The following CCDC93 variants were observed in gnomAD, a reference collection of about 807,000 sequenced individuals.
CCDC93 encodes the protein coiled-coil domain-containing protein 93.
A neutral mutation model predicts 108.2 loss-of-function variants in CCDC93; 61 were observed. The ratio of observed to expected loss-of-function variants is 0.56; its 90% confidence interval spans 0.46 to 0.70. The LOEUF (loss-of-function observed/expected upper bound fraction) is 0.70, where lower values mean the gene tolerates loss of function less well. Ranked by LOEUF, CCDC93 falls within the 30% of genes least tolerant of loss-of-function variation. The pLI is 0.00. For synonymous variants in CCDC93, 276 were observed against 260.4 expected (o/e 1.06, Z -0.58); for missense variants, 685 against 764.2 (o/e 0.90, Z 1.22).
Position 118,014,063 on chromosome 2 carries a change from G to C in CCDC93, c.-68C>G. On this transcript the variant is annotated 5_prime_UTR_variant, in exon 1 of 24. Coordinates refer to ENST00000376300, the MANE Select transcript of CCDC93 (RefSeq NM_019044.5). ...GCGTCCGGAGGAAGCTGTCCCTGCC[G>C]CGGAGCTGCTACCGGGGTGGAGTAC... The C allele has an allele frequency of 3.8e-6, 6 of 1,562,310 alleles. No homozygotes were observed. Among genetic ancestry groups the C allele is most frequent in the Non-Finnish European group, 5.2e-6 (6 of 1,153,914 alleles).
intron 21 of CCDC93, 135 bp downstream of exon 21, chr2:117,936,567 A>T: frequency 1.3e-6 from 1 of 765,206 alleles, no homozygotes; most frequent in Non-Finnish European, 2.4e-6. Context: ...GAAGGGCTAA[A>T]AGAGTAAGAA....
At position 117,915,835 on chromosome 2, in the gene CCDC93, G is replaced by A. The variant is rs555065723; in HGVS notation, c.*4508C>T. 3 of 151,896 alleles carry A rather than the reference G, an allele frequency of 2.0e-5. No individual in the cohort carries two copies. In the South Asian group the frequency reaches 6.2e-4, roughly 32 times the overall value. 9.4% of individuals were successfully genotyped at this position (151,896 alleles called of 1,614,324 possible). A position where few individuals can be genotyped will look rare whatever the true frequency, so the allele number is the denominator to read the frequency against. ...CATTCCAAACATTAGGATACCATGG[G>A]CTTTTTTCCTCACTTAATCATGCAT... On this transcript the variant is annotated 3_prime_UTR_variant, in exon 24 of 24. Transcript: ENST00000376300.
intron 10 of CCDC93, among the ~76,000 whole-genome samples, chr2:117,974,395 T>C (rs546531088): frequency 2.0e-4 from 31 of 152,230 alleles, no homozygotes; most frequent in African/African-American, 7.5e-4. Flanking sequence ...AAAATATCTC[T>C]TTACTACCAC....
intron 11 of CCDC93, among the ~76,000 whole-genome samples, chr2:117,960,722 C>T (rs538435725): frequency 2.0e-5 from 3 of 152,220 alleles, no homozygotes; most frequent in Non-Finnish European, 2.9e-5. Flanking sequence ...CCACATGCTC[C>T]CTCAAAACCC....
At chr2:117,934,182 A>G (rs1448153571) in intron 22 of CCDC93, 1 of 152,172 alleles carries the variant, frequency 6.6e-6, no homozygotes, top group Non-Finnish European at 1.5e-5. Flanking sequence ...CTCTGTAAAC[A>G]CGAAGCAGAA....
At chr2:117,996,417 G>A in intron 4 of CCDC93, 55 bp from the exon 5 acceptor site, 1 of 1,249,218 alleles carries the variant, frequency 8.0e-7, no homozygotes, top group Non-Finnish European at 1.2e-6. Flanking sequence ...CCACTGAAGT[G>A]AAGGCCAGTT....
intron 11 of CCDC93, 144 bp from the exon 12 acceptor site, chr2:117,958,625 C>T: frequency 3.1e-6 from 2 of 636,780 alleles, no homozygotes; most frequent in East Asian, 2.6e-5. Flanking sequence ...TGTTCAAAAC[C>T]TGGCGTACAG....
At chr2:118,011,674 AC>A (rs1198155945) in intron 1 of CCDC93, among the ~76,000 whole-genome samples, 133 of 152,114 alleles carry the variant, frequency 8.7e-4, no homozygotes, top group Middle Eastern at 3.4e-3. Flanking sequence ...GACAAAAAAA[AC>A]CAAAAAAAAA....
intron 23 of CCDC93, among the ~76,000 whole-genome samples, chr2:117,928,563 C>A (rs1329112357): frequency 5.3e-5 from 8 of 152,156 alleles, no homozygotes; most frequent in African/African-American, 1.7e-4. Context: ...CAATGAGATA[C>A]CATCTCACAC....
chr2:117,941,182 C>A lies in CCDC93; in HGVS notation c.1522+7G>T, dbSNP rs1412784667. The A allele has an allele frequency of 6.3e-7, 1 of 1,593,330 alleles. No individual in the cohort carries two copies. The highest frequency in any genetic ancestry group is 2.2e-5 in the East Asian group (1 of 44,766). On this transcript the variant is annotated splice_region_variant and intron_variant, in intron 19 of 23. Transcript: ENST00000376300. ...CTCAAGAGCTTGTCTGTGGTCAATG[C>A]ACCTACTCTGGCGGTAGAGTTCAAT...
Position 117,975,198 on chromosome 2 carries a change from G to T in CCDC93, c.740C>A (p.Ala247Glu). 6.2e-7 allele frequency: 1 copy of T among 1,613,428 alleles called. No individual in the cohort carries two copies. Among genetic ancestry groups the T allele is most frequent in the African/African-American group, 1.3e-5 (1 of 75,042 alleles). ...ADAHEEDELR[A>E]AEEQRIQSLM... is the part of the protein sequence containing the mutation. Reference sequence around the variant, plus strand: ...ACATGGACCACACACCTCTTCAGCTGCTCGAAGCTCATCTTCCTCGTGGGC... The same window carrying T: ...ACATGGACCACACACCTCTTCAGCTTCTCGAAGCTCATCTTCCTCGTGGGC... The change falls in exon 9 of 24, where the codon GCA becomes GAA. Residue 247 changes from alanine to glutamate, a missense_variant. Ala to Glu is a moderately radical substitution (Grantham distance 107). Coordinates refer to ENST00000376300, the MANE Select transcript of CCDC93 (RefSeq NM_019044.5).
intron 7 of CCDC93, chr2:117,985,433 G>C (rs1680287129): frequency 1.0e-6 from 1 of 976,616 alleles, no homozygotes; most frequent in Non-Finnish European, 1.2e-6. Context: ...TGACATAAAA[G>C]GTTAATACCC....
chr2:117,918,458 C>T lies in CCDC93; in HGVS notation c.*1885G>A, dbSNP rs914857960. 4.6e-5 allele frequency: 7 copies of T among 152,214 alleles called. No homozygotes were observed. The highest frequency in any genetic ancestry group is 2.0e-4 in the Admixed American group (3 of 15,282). The allele number at this position is 152,214 out of a possible 1,614,324, so 9.4% of individuals were successfully genotyped here. The stretch of plus-strand genomic sequence containing the variant: ...GTTGCTTTGGATTCATCATGCCATA[C>T]TTTCCCCATCAGCACAGAGGTGGAC... On this transcript the variant is annotated 3_prime_UTR_variant, in exon 24 of 24. Coordinates refer to ENST00000376300, the MANE Select transcript of CCDC93 (RefSeq NM_019044.5).
At position 117,974,833 on chromosome 2, in the gene CCDC93, C is replaced by A; in HGVS notation, c.801+17G>T. ...GTGCCAAGTCCCCATCCCCACACCT[C>A]CCCGACTCCCACTCACCTCCTCATT... On this transcript the variant is annotated intron_variant, in intron 10 of 23. Coordinates refer to ENST00000376300, the MANE Select transcript of CCDC93 (RefSeq NM_019044.5). The A allele has an allele frequency of 6.4e-7, 1 of 1,564,228 alleles. No individual in the cohort carries two copies. Among genetic ancestry groups the A allele is most frequent in the Non-Finnish European group, 8.7e-7 (1 of 1,152,730 alleles).
chr2:118,006,276 G>T (rs191069508), intron 3 of CCDC93, among the ~76,000 whole-genome samples: 2 of 152,318 alleles, frequency 1.3e-5, no homozygotes, highest in Non-Finnish European at 2.9e-5. Flanking sequence ...GGAAGGCTGG[G>T]AGAAGAACCA....
chr2:117,947,968 A>C, intron 15 of CCDC93, 137 bp downstream of exon 15: 1 of 685,576 alleles, frequency 1.5e-6, no homozygotes, highest in African/African-American at 1.8e-5. Context: ...TGCTGGGATT[A>C]CAGGCATGAG....
chr2:117,925,480 T>C (rs1402025540), intron 23 of CCDC93, among the ~76,000 whole-genome samples: 1 of 152,114 alleles, frequency 6.6e-6, no homozygotes, highest in Non-Finnish European at 1.5e-5. Flanking sequence ...TCCTAGTCTC[T>C]GATAAAACAG....
intron 10 of CCDC93, 127 bp downstream of exon 10, chr2:117,974,723 G>A (rs755558042): frequency 2.9e-6 from 2 of 679,068 alleles, no homozygotes; most frequent in Admixed American, 2.5e-5. Context: ...GGAACTCCCT[G>A]GGGAAGAGGA....
intron 23 of CCDC93, among the ~76,000 whole-genome samples, chr2:117,923,391 C>T (rs1677953129): frequency 6.6e-6 from 1 of 152,166 alleles, no homozygotes; most frequent in Admixed American, 6.5e-5. Flanking sequence ...ACAGATGGCA[C>T]CTGGAAAATT....
Sources: allele counts gnomAD v4.1 joint callset (sites outside exome capture counted in the v4.1 genomes callset), GRCh38; gene constraint gnomAD v4.1.1; transcripts MANE v1.5; gene names NCBI Gene and HGNC (gene_info 2026-07-23, HGNC 2026-07-21).